The following HHLA2 variants were observed in gnomAD, a reference collection of about 807,000 sequenced individuals.
The protein encoded by HHLA2 is HHLA2 member of B7 family, also known as HERV-H LTR-associating protein 2.
HHLA2 carries 48 observed loss-of-function variants against 45.9 expected under a neutral mutation model. The observed-to-expected ratio is 1.05, with a 90% CI of 0.83 to 1.33. The LOEUF (loss-of-function observed/expected upper bound fraction) is 1.33. HHLA2 is among the 40% of genes most tolerant of loss of function. HHLA2 has a pLI of 0.00. For missense variants in HHLA2, 462 were observed against 494.3 expected (o/e 0.93, Z 0.62); for synonymous variants, 161 against 173.9 (o/e 0.93, Z 0.59).
intron 8 of HHLA2, among the ~76,000 whole-genome samples, chr3:108,371,843 A>G (rs1413413501): frequency 2.0e-5 from 3 of 152,318 alleles, no homozygotes; most frequent in African/African-American, 7.2e-5. Flanking sequence ...TTAGTGACCT[A>G]CAAAGAGACT....
At chr3:108,328,065 G>A (rs370284690) in intron 2 of HHLA2, among the ~76,000 whole-genome samples, 9 of 152,072 alleles carry the variant, frequency 5.9e-5, no homozygotes, top group African/African-American at 1.2e-4. Flanking sequence ...CCCGGGAGGC[G>A]GAGGCTGCAG....
chr3:108,344,434 C>CTAA (rs1380966132), intron 3 of HHLA2, among the ~76,000 whole-genome samples: 1 of 152,166 alleles, frequency 6.6e-6, no homozygotes, highest in Non-Finnish European at 1.5e-5. Flanking sequence ...TTTTCCAAAG[C>CTAA]ATTCATCTTA....
intron 5 of HHLA2, 52 bp from the exon 5 acceptor site, chr3:108,355,062 AT>A (rs2081859141): frequency 6.4e-7 from 1 of 1,552,096 alleles, no homozygotes; most frequent in African/African-American, 1.4e-5. Flanking sequence ...CAGACGGCCT[AT>A]AAAGAAGCTA....
At chr3:108,353,832 A>T in intron 5 of HHLA2, 52 bp downstream of exon 4, 1 of 1,366,538 alleles carries the variant, frequency 7.3e-7, no homozygotes, top group Non-Finnish European at 1.0e-6. Flanking sequence ...ATTCCATGTT[A>T]TTAGTAAGCG....
chr3:108,311,577 G>A (rs1036223297), intron 2 of HHLA2, among the ~76,000 whole-genome samples: 1 of 152,070 alleles, frequency 6.6e-6, no homozygotes, highest in African/African-American at 2.4e-5. Context: ...TCTAGAAAAA[G>A]CTTATCCCTT....
At chr3:108,309,650 TG>T (rs1467491681) in intron 1 of HHLA2, among the ~76,000 whole-genome samples, 4 of 152,190 alleles carry the variant, frequency 2.6e-5, no homozygotes, top group African/African-American at 9.6e-5. Flanking sequence ...GTGGGTTTTG[TG>T]GCAGAGTACT....
chr3:108,318,007 C>G (rs2081133337), intron 2 of HHLA2, among the ~76,000 whole-genome samples: 1 of 151,850 alleles, frequency 6.6e-6, no homozygotes, highest in East Asian at 2.0e-4. Context: ...CATGGAGAAA[C>G]CCTGTCTGTA....
In HHLA2 at chr3:108,375,747, C is replaced by T. The variant is rs151157924; in HGVS notation, c.1109-3C>T. ...TTCACTCTTCCCTGTCTCTGATCTA[C>T]AGCCCAGCTAGAAGCCAGGAGGAGC... is the stretch of plus-strand genomic sequence containing the variant. On this transcript the variant is annotated splice_polypyrimidine_tract_variant and splice_region_variant and intron_variant, in intron 8 of 10. Coordinates refer to ENST00000619531, the Ensembl canonical transcript of HHLA2. 5 of 1,610,410 alleles carry T rather than the reference C, an allele frequency of 3.1e-6. No individual in the cohort carries two copies. The South Asian group carries it at 3.3e-5, about 11-fold the overall frequency.
intron 2 of HHLA2, among the ~76,000 whole-genome samples, chr3:108,316,084 T>TAA (rs566823530): frequency 5.4e-4 from 48 of 89,504 alleles, no homozygotes; most frequent in African/African-American, 7.7e-4. Context: ...TGACAAACAG[T>TAA]AAAAAAAAAA....
At chr3:108,314,918 G>A (rs548777903) in intron 2 of HHLA2, among the ~76,000 whole-genome samples, 2 of 152,286 alleles carry the variant, frequency 1.3e-5, no homozygotes, top group South Asian at 4.2e-4. Flanking sequence ...TGTCACCACT[G>A]TCAAAGAAGC....
intron 2 of HHLA2, among the ~76,000 whole-genome samples, chr3:108,312,157 C>T (rs2081030477): frequency 6.6e-6 from 1 of 152,178 alleles, no homozygotes; most frequent in Non-Finnish European, 1.5e-5. Flanking sequence ...GCTCTAATCC[C>T]CCCAGACGGT....
intron 5 of HHLA2, 147 bp from the exon 5 acceptor site, chr3:108,354,968 G>A (rs2081857716): frequency 1.4e-6 from 1 of 722,484 alleles, no homozygotes; most frequent in African/African-American, 1.8e-5. Context: ...TGTGTTTGTT[G>A]GTTTGTTTTC....
chr3:108,348,098 G>A (rs906716904), intron 3 of HHLA2, among the ~76,000 whole-genome samples: 1 of 152,050 alleles, frequency 6.6e-6, no homozygotes, highest in African/African-American at 2.4e-5. Context: ...TATATTCAGA[G>A]TGTGAGATGA....
At chr3:108,367,913 TC>T (rs1023001973) in intron 8 of HHLA2, among the ~76,000 whole-genome samples, 15 of 152,032 alleles carry the variant, frequency 9.9e-5, no homozygotes, top group African/African-American at 3.1e-4. Flanking sequence ...TGTCAGATTC[TC>T]CAAGGTTGAA....
chr3:108,347,239 C>G (rs1197956715), intron 3 of HHLA2, among the ~76,000 whole-genome samples: 3 of 152,214 alleles, frequency 2.0e-5, no homozygotes, highest in African/African-American at 7.2e-5. Context: ...AGCACTAAAT[C>G]AAGCCTTTGT....
chr3:108,375,610 A>C (rs371268014), intron 8 of HHLA2, 140 bp from the exon 8 acceptor site: 3 of 983,576 alleles, frequency 3.1e-6, no homozygotes, highest in Non-Finnish European at 4.3e-6. Flanking sequence ...GAAATGAAGG[A>C]GATAGACACA....
intron 2 of HHLA2, among the ~76,000 whole-genome samples, chr3:108,320,697 G>A (rs1176220168): frequency 6.6e-6 from 1 of 152,124 alleles, no homozygotes; most frequent in Non-Finnish European, 1.5e-5. Flanking sequence ...TGTGAGGAGG[G>A]TATGGTCACC....
chr3:108,311,611 TGGGCACAAGAAAG>T (rs745764647), intron 2 of HHLA2, among the ~76,000 whole-genome samples: 3 of 152,162 alleles, frequency 2.0e-5, no homozygotes, highest in Non-Finnish European at 4.4e-5. Flanking sequence ...GATTGGGTAT[TGGGCACAAGAAAG>T]GAGTGTAGCT....
chr3:108,356,396 A>T (rs1402933030), intron 6 of HHLA2, among the ~76,000 whole-genome samples: 3 of 151,924 alleles, frequency 2.0e-5, no homozygotes, highest in Admixed American at 6.6e-5. Context: ...GGGAAAATGG[A>T]GGTTATCTTT....
Sources: gnomAD v4.1 joint callset for allele counts (sites outside exome capture counted in the v4.1 genomes callset) on GRCh38, gnomAD v4.1.1 for gene constraint, MANE v1.5 for transcripts, NCBI Gene and HGNC (gene_info 2026-07-23, HGNC 2026-07-21) for gene names.